Variants in KLHL26 observed in about 807,000 individuals in gnomAD.
KLHL26 encodes the protein kelch-like protein 26.
KLHL26 carries 4 observed loss-of-function variants against 7.1 expected under a neutral mutation model. The ratio of observed to expected loss-of-function variants is 0.56; its 90% CI spans 0.28 to 1.28. The LOEUF (loss-of-function observed/expected upper bound fraction) is 1.28, where lower values mean the gene tolerates loss of function less well. KLHL26 is among the 50% of genes most tolerant of loss of function. The pLI is 0.11. For missense variants in KLHL26, 896 were observed against 924.6 expected (o/e 0.97, Z 0.40); for synonymous variants, 465 against 414.1 (o/e 1.12, Z -1.49).
rs1406850038 is a variant in KLHL26, at chr19:18,669,385, C to T, written c.*140C>T. 3 of 645,990 alleles carry T rather than the reference C, an allele frequency of 4.6e-6. No homozygotes were observed. Among genetic ancestry groups the T allele is most frequent in the South Asian group, 1.9e-5 (1 of 53,044 alleles). The allele number at this position is 645,990 out of a possible 1,614,324, so 40.0% of individuals were successfully genotyped here. A position where few individuals can be genotyped will look rare whatever the true frequency, so the allele number is the denominator to read the frequency against. On this transcript the variant is annotated 3_prime_UTR_variant, in exon 3 of 3. Coordinates refer to ENST00000300976, the MANE Select transcript of KLHL26 (RefSeq NM_018316.3). The stretch of plus-strand genomic sequence containing the variant: ...GGGCCTGCTGCGTTGATAAGCCCCC[C>T]TCCCAGGGGTCCCTCCCTCCCTCCT...
chr19:18,663,816 C>T (rs2052415946), intron 1 of KLHL26, among the ~76,000 whole-genome samples: 1 of 146,196 alleles, frequency 6.8e-6, no homozygotes, highest in Non-Finnish European at 1.5e-5. Context: ...GGGGCTGGAC[C>T]ACAGAGGGCT....
intron 1 of KLHL26, among the ~76,000 whole-genome samples, chr19:18,652,327 C>T (rs1431429891): frequency 6.6e-6 from 1 of 151,996 alleles, no homozygotes; most frequent in Admixed American, 6.6e-5. Context: ...CGGTGGCTCC[C>T]GCCTGTAATC....
chr19:18,664,898 A>G (rs1381207911), intron 2 of KLHL26, among the ~76,000 whole-genome samples: 2 of 150,946 alleles, frequency 1.3e-5, no homozygotes, highest in Non-Finnish European at 3.0e-5. Context: ...CTGATTTTAG[A>G]GAGAGGTTTA....
chr19:18,643,025 G>A (rs1299216319), intron 1 of KLHL26, among the ~76,000 whole-genome samples: 3 of 151,558 alleles, frequency 2.0e-5, no homozygotes, highest in Non-Finnish European at 4.4e-5. Flanking sequence ...ATAGAGACGG[G>A]GTTTCACCAT....
chr19:18,647,012 C>T (rs566267953), intron 1 of KLHL26, among the ~76,000 whole-genome samples: 4 of 152,198 alleles, frequency 2.6e-5, no homozygotes, highest in Non-Finnish European at 2.9e-5. Context: ...GCAGGTGGAA[C>T]TGGGCCAGCC....
chr19:18,640,550 A>ATT (rs1976695183), intron 1 of KLHL26, among the ~76,000 whole-genome samples: 1 of 124,346 alleles, frequency 8.0e-6, no homozygotes, highest in African/African-American at 3.3e-5. Context: ...GCTATGTTTT[A>ATT]ATTTTTTTTT....
chr19:18,668,716 G>A lies in KLHL26; in HGVS notation c.1319G>A (p.Trp440Ter). Reference sequence around the variant, plus strand: ...CGGTACTGCCCCCGGCGCAATGAGTGGGGCTACGCCTGCTCGCTGAAGCGC... The same window carrying A: ...CGGTACTGCCCCCGGCGCAATGAGTAGGGCTACGCCTGCTCGCTGAAGCGC... The part of the protein sequence containing the change: ...VERYCPRRNE[W>*]GYACSLKRRT... The change falls in exon 3 of 3, where the codon TGG becomes TAG. Residue 440 changes from tryptophan to a stop codon, truncating the protein, a stop_gained. Coordinates refer to ENST00000300976, the MANE Select transcript of KLHL26 (RefSeq NM_018316.3). LOFTEE classifies it low-confidence loss of function (END_TRUNC). 2.5e-6 allele frequency: 4 copies of A among 1,573,392 alleles called. No homozygotes were observed. Among genetic ancestry groups the A allele is most frequent in the South Asian group, 1.1e-5 (1 of 87,898 alleles).
rs2145394512 is a variant in KLHL26, at chr19:18,656,077, G to A, written c.84-8184G>A. ...CCCCATGCTCCTGAGATGACAGCTT[G>A]CAAACCACTGCACCTCTAACCCCCT... On this transcript the variant is annotated intron_variant, in intron 1 of 2. Transcript: ENST00000300976. The surrounding 1 kb of genome is among the most constrained non-coding windows in gnomAD (Gnocchi z 4.4). 6.6e-6 allele frequency among the ~76,000 whole-genome samples: 1 copy of A among 152,244 alleles called. No individual in the cohort carries two copies. Among genetic ancestry groups the A allele is most frequent in the East Asian group, 1.9e-4 (1 of 5,158 alleles).
chr19:18,668,239 T>C lies in KLHL26; in HGVS notation c.842T>C (p.Leu281Pro). Residue 281 changes from leucine to proline, a missense_variant, in exon 3 of 3, where the codon CTG becomes CCG. Leu to Pro is a moderately conservative substitution (Grantham distance 98, BLOSUM62 -3). Transcript: ENST00000300976. ...GAGGACGTGCTGTGCCGCCAGTATC[T>C]GCTGGAGGCCTTCAACTACCAGGTG... ...MVEDVLCRQY[L>P]LEAFNYQVLP... is the part of the protein sequence containing the mutation. 1 of 1,612,218 alleles carries C rather than the reference T, an allele frequency of 6.2e-7. No homozygotes were observed.
At chr19:18,660,262 G>A (rs2052378731) in intron 1 of KLHL26, among the ~76,000 whole-genome samples, 1 of 152,224 alleles carries the variant, frequency 6.6e-6, no homozygotes, top group Non-Finnish European at 1.5e-5. Context: ...TTGCTGGGGG[G>A]ATACAGCGGC....
Position 18,648,022 on chromosome 19 carries a change from G to A in KLHL26, c.83+10885G>A, listed in dbSNP as rs1188838787. ...ATTTCCGGGCTGGCTGGGCCAGGGG[G>A]CCAGGGCAGGGTTTGGGTGAGCGGC... On this transcript the variant is annotated intron_variant, in intron 1 of 2. Transcript: ENST00000300976. The surrounding 1 kb of genome is among the most constrained non-coding windows in gnomAD (Gnocchi z 4.9). Among the ~76,000 whole-genome samples the A allele has an allele frequency of 1.3e-5, 2 of 152,206 alleles. No homozygotes were observed. Among genetic ancestry groups the A allele is most frequent in the South Asian group, 2.1e-4 (1 of 4,828 alleles).
chr19:18,652,582 T>C (rs1600693474), intron 1 of KLHL26, among the ~76,000 whole-genome samples: 3 of 81,256 alleles, frequency 3.7e-5, no homozygotes, highest in African/African-American at 5.2e-5. Flanking sequence ...AGAGCCAGAC[T>C]CCATCTCAAA....
chr19:18,661,235 C>T (rs1455583081), intron 1 of KLHL26, among the ~76,000 whole-genome samples: 1 of 152,154 alleles, frequency 6.6e-6, no homozygotes, highest in African/African-American at 2.4e-5. Flanking sequence ...GATGCCCTGC[C>T]AGTCAGCTGA....
chr19:18,664,820 G>A (rs960274812), intron 2 of KLHL26, among the ~76,000 whole-genome samples: 6 of 151,860 alleles, frequency 4.0e-5, no homozygotes, highest in South Asian at 2.1e-4. Context: ...TCCTGACTTC[G>A]TGATCTGCCT....
intron 1 of KLHL26, among the ~76,000 whole-genome samples, chr19:18,638,326 G>A (rs1343585698): frequency 6.6e-6 from 1 of 152,234 alleles, no homozygotes; most frequent in African/African-American, 2.4e-5. Flanking sequence ...TGGGATGGGT[G>A]GGGAAGGGAG....
At chr19:18,664,961 C>T (rs911730618) in intron 2 of KLHL26, among the ~76,000 whole-genome samples, 4 of 152,080 alleles carry the variant, frequency 2.6e-5, no homozygotes, top group African/African-American at 9.6e-5. Flanking sequence ...TCTCTTTGGG[C>T]AGAACATGCC....
chr19:18,663,033 C>T (rs1283214144), intron 1 of KLHL26, among the ~76,000 whole-genome samples: 3 of 152,244 alleles, frequency 2.0e-5, no homozygotes, highest in African/African-American at 7.2e-5. Flanking sequence ...CCAGCACCCC[C>T]AGCACCGCAG....
chr19:18,657,290 T>C (rs2052344665), intron 1 of KLHL26, among the ~76,000 whole-genome samples: 1 of 148,030 alleles, frequency 6.8e-6, no homozygotes, highest in South Asian at 2.2e-4. Flanking sequence ...TGAGAGAAGG[T>C]ATCAGTGTGG....
Position 18,637,122 on chromosome 19 carries a change from C to T in KLHL26, c.68C>T (p.Pro23Leu), listed in dbSNP as rs942527702. 7 of 1,355,108 alleles carry T rather than the reference C, an allele frequency of 5.2e-6. No individual in the cohort carries two copies. In the Admixed American group the frequency reaches 1.9e-4, roughly 37 times the overall value. 83.9% of individuals were successfully genotyped at this position (1,355,108 alleles called of 1,614,324 possible). A position where few individuals can be genotyped will look rare whatever the true frequency, so the allele number is the denominator to read the frequency against. ...GGCGCTTTCGGCGCGGGCCCGGGCCCCGAGCGCCCGAACAGGTGAGACCCG... is the reference window on the plus strand; with the variant it reads ...GGCGCTTTCGGCGCGGGCCCGGGCCTCGAGCGCCCGAACAGGTGAGACCCG... ...GGGAFGAGPGPERPNSTADKN... is the reference protein window; with the variant it reads ...GGGAFGAGPGLERPNSTADKN... The change falls in exon 1 of 3, where the codon CCC becomes CTC. Residue 23 changes from proline (P) to leucine (L), a missense_variant. By Grantham distance (98) the Pro-to-Leu change is moderately conservative. Transcript: ENST00000300976.
Sources: gnomAD v4.1 joint callset for allele counts (sites outside exome capture counted in the v4.1 genomes callset) on GRCh38, gnomAD v4.1.1 for gene constraint, Gnocchi (gnomAD v3.1) non-coding constraint, MANE v1.5 for transcripts, NCBI Gene and HGNC (gene_info 2026-07-23, HGNC 2026-07-21) for gene names.